Variants in GBE1 observed in about 807,000 individuals in gnomAD.
The protein encoded by GBE1 is 1,4-alpha-glucan-branching enzyme.
GBE1 carries 70 observed loss-of-function variants against 88.8 expected under a neutral mutation model. The observed-to-expected ratio is 0.79, with a 90% confidence interval of 0.65 to 0.96. GBE1 has a LOEUF of 0.96. Ranked by LOEUF, GBE1 falls within the 40% of genes least tolerant of loss-of-function variation. The pLI, the probability that GBE1 is intolerant of heterozygous loss-of-function variation, is 0.00. For synonymous variants in GBE1, 284 were observed against 300.1 expected (o/e 0.95, Z 0.56); for missense variants, 872 against 871.0 (o/e 1.00, Z -0.01).
intron 1 of GBE1, among the ~76,000 whole-genome samples, chr3:81,742,295 A>AG (rs1706360218): frequency 6.6e-6 from 1 of 152,142 alleles, no homozygotes; most frequent in Non-Finnish European, 1.5e-5. Context: ...TTATAAAAAA[A>AG]TCAGCAAATC....
intron 7 of GBE1, chr3:81,612,563 G>C: frequency 1.3e-6 from 1 of 749,536 alleles, no homozygotes; most frequent in Non-Finnish European, 2.3e-6. Context: ...GTTGAGAAAT[G>C]TTGTTACCCC....
chr3:81,660,596 A>T (rs1267375537), intron 3 of GBE1, among the ~76,000 whole-genome samples: 2 of 152,004 alleles, frequency 1.3e-5, no homozygotes, highest in Non-Finnish European at 2.9e-5. Context: ...CTGACCATTT[A>T]AAAAAAATTA....
chr3:81,589,435 G>A (rs913930711), intron 9 of GBE1, among the ~76,000 whole-genome samples: 9 of 150,666 alleles, frequency 6.0e-5, no homozygotes, highest in East Asian at 1.9e-4. Flanking sequence ...AGAGACTCCC[G>A]CTAGACAGAA....
intron 1 of GBE1, among the ~76,000 whole-genome samples, chr3:81,727,355 T>C (rs1488256739): frequency 6.6e-6 from 1 of 152,194 alleles, no homozygotes; most frequent in East Asian, 1.9e-4. Flanking sequence ...TCATTAATCA[T>C]ATGGCATCAG....
intron 12 of GBE1, among the ~76,000 whole-genome samples, chr3:81,563,931 G>GAGGA (rs1703455663): frequency 6.6e-6 from 1 of 151,098 alleles, no homozygotes; most frequent in African/African-American, 2.5e-5. Context: ...GTGAGGGAGG[G>GAGGA]AGGAAGGAAG....
chr3:81,682,167 A>G (rs1705355109), intron 2 of GBE1, among the ~76,000 whole-genome samples: 1 of 152,248 alleles, frequency 6.6e-6, no homozygotes, highest in Non-Finnish European at 1.5e-5. Flanking sequence ...TAAGCATACA[A>G]AAGGATATTC....
At chr3:81,659,396 C>T (rs1704991170) in intron 3 of GBE1, among the ~76,000 whole-genome samples, 1 of 150,556 alleles carries the variant, frequency 6.6e-6, no homozygotes. Flanking sequence ...AGTGCAGTGG[C>T]GTGATCTCGC....
rs1365001047 is a variant in GBE1 at position 81,757,463 on chromosome 3, A to G, written c.143+3912T>C. Among the ~76,000 whole-genome samples, 3 of 152,208 alleles carry G rather than the reference A, an allele frequency of 2.0e-5. No homozygotes were observed. The South Asian group carries it at 6.2e-4, about 32-fold the overall frequency. On this transcript the variant is annotated intron_variant, in intron 1 of 15. Coordinates refer to ENST00000429644, the MANE Select transcript of GBE1 (RefSeq NM_000158.4). ...GAAGTTAGAATGGAGTGAAGATTTG[A>G]AAAAAGAACAACAGCTATGAGGTTG...
rs1219140110 is a variant in GBE1 at position 81,536,860 on chromosome 3, G to C, written c.1803+51C>G. 2.2e-6 allele frequency: 3 copies of C among 1,379,028 alleles called. No homozygotes were observed. The African/African-American group carries it at 4.5e-5, about 21-fold the overall frequency. 85.4% of individuals were successfully genotyped at this position (1,379,028 alleles called of 1,614,324 possible). On this transcript the variant is annotated intron_variant, in intron 13 of 15. Coordinates refer to ENST00000429644, the MANE Select transcript of GBE1 (RefSeq NM_000158.4). ...AGATTTAAATTGGTTGCCATTCTAGGCATGTACCTCATTGGTGACTAAAAC... is the reference window on the plus strand; with the variant it reads ...AGATTTAAATTGGTTGCCATTCTAGCCATGTACCTCATTGGTGACTAAAAC...
intron 12 of GBE1, among the ~76,000 whole-genome samples, chr3:81,561,079 A>T (rs1703410220): frequency 6.6e-6 from 1 of 152,048 alleles, no homozygotes; most frequent in African/African-American, 2.4e-5. Flanking sequence ...AAAATTCCTT[A>T]AAAAATAAAC....
chr3:81,751,102 G>A (rs1001896683), intron 1 of GBE1, among the ~76,000 whole-genome samples: 2 of 151,958 alleles, frequency 1.3e-5, no homozygotes, highest in East Asian at 1.9e-4. Context: ...GTATACCCCC[G>A]GCCCTCCGCC....
At chr3:81,736,032 C>T (rs1248252149) in intron 1 of GBE1, among the ~76,000 whole-genome samples, 1 of 152,120 alleles carries the variant, frequency 6.6e-6, no homozygotes, top group African/African-American at 2.4e-5. Flanking sequence ...CAAAGCACTG[C>T]CAAAAAAGCC....
At chr3:81,561,092 A>AT (rs1703410377) in intron 12 of GBE1, among the ~76,000 whole-genome samples, 2 of 152,030 alleles carry the variant, frequency 1.3e-5, no homozygotes, top group South Asian at 4.1e-4. Flanking sequence ...AAATAAACAC[A>AT]TTTTTCAACT....
intron 7 of GBE1, among the ~76,000 whole-genome samples, chr3:81,629,018 G>GTTTTTTTTT (rs34707682): frequency 6.0e-4 from 59 of 97,978 alleles, no homozygotes; most frequent in African/African-American, 2.1e-3. Flanking sequence ...TTATGTTTAA[G>GTTTTTTTTT]TTTTTTTTTT....
chr3:81,557,537 A>G (rs1703363778), intron 12 of GBE1, among the ~76,000 whole-genome samples: 1 of 152,032 alleles, frequency 6.6e-6, no homozygotes, highest in South Asian at 2.1e-4. Flanking sequence ...AAAAGAAAGA[A>G]GAAGAAAGGG....
intron 2 of GBE1, among the ~76,000 whole-genome samples, chr3:81,689,085 AGACT>A (rs1250596989): frequency 6.6e-6 from 1 of 152,214 alleles, no homozygotes; most frequent in African/African-American, 2.4e-5. Flanking sequence ...ATAATTTATT[AGACT>A]ATGTTCCTTT....
At chr3:81,634,819 T>G (rs1345759916) in intron 7 of GBE1, among the ~76,000 whole-genome samples, 1 of 152,072 alleles carries the variant, frequency 6.6e-6, no homozygotes, top group Non-Finnish European at 1.5e-5. Flanking sequence ...GAAAAGTTAG[T>G]GAAGGAACAT....
intron 3 of GBE1, among the ~76,000 whole-genome samples, chr3:81,652,867 G>A (rs1704870437): frequency 1.3e-5 from 2 of 152,248 alleles, no homozygotes; most frequent in South Asian, 2.1e-4. Context: ...AACTCTTTTG[G>A]TGAGGGGGAG....
intron 1 of GBE1, among the ~76,000 whole-genome samples, chr3:81,709,924 A>G (rs1390439086): frequency 6.6e-6 from 1 of 152,154 alleles, no homozygotes; most frequent in Non-Finnish European, 1.5e-5. Flanking sequence ...ACTAGGTCAA[A>G]TTTCTGGTAA....
Sources: allele counts gnomAD v4.1 joint callset (sites outside exome capture counted in the v4.1 genomes callset), GRCh38; gene constraint gnomAD v4.1.1; transcripts MANE v1.5; gene names NCBI Gene and HGNC (gene_info 2026-07-23, HGNC 2026-07-21).